Variants in RASAL2 observed in about 807,000 individuals in gnomAD.
RASAL2 encodes RAS protein activator like 2.
RASAL2 carries 58 observed loss-of-function variants against 128.9 expected under a neutral mutation model. That is an observed-to-expected ratio of 0.45 (90% CI 0.36 to 0.56). The LOEUF (loss-of-function observed/expected upper bound fraction) is 0.56, where lower values mean the gene tolerates loss of function less well. RASAL2 is among the 20% of genes least tolerant of loss of function. The pLI is 0.00. For synonymous variants in RASAL2, 561 were observed against 580.8 expected (o/e 0.97, Z 0.49); for missense variants, 1,360 against 1,601.6 (o/e 0.85, Z 2.57).
chr1:178,289,509 C>T (rs1667181393), intron 2 of RASAL2, among the ~76,000 whole-genome samples: 1 of 152,060 alleles, frequency 6.6e-6, no homozygotes, highest in Non-Finnish European at 1.5e-5. Flanking sequence ...AAGATGGAGT[C>T]TCACTATGTT....
chr1:178,399,772 T>C (rs1673495391), intron 4 of RASAL2, among the ~76,000 whole-genome samples: 1 of 152,236 alleles, frequency 6.6e-6, no homozygotes, highest in African/African-American at 2.4e-5. Flanking sequence ...CTTTTCATTT[T>C]GCACTGAGCC....
At chr1:178,382,186 G>A (rs567895144) in intron 3 of RASAL2, among the ~76,000 whole-genome samples, 79 of 152,118 alleles carry the variant, frequency 5.2e-4, no homozygotes, top group African/African-American at 1.7e-3. Context: ...TCACTTTTTT[G>A]TTCAAGGGAT....
At chr1:178,197,816 A>G (rs1307986586) in intron 1 of RASAL2, among the ~76,000 whole-genome samples, 1 of 152,070 alleles carries the variant, frequency 6.6e-6, no homozygotes, top group Non-Finnish European at 1.5e-5. Flanking sequence ...CATCATTTAC[A>G]TTAGGTATTT....
chr1:178,366,590 C>G (rs1230467417), intron 3 of RASAL2, among the ~76,000 whole-genome samples: 2 of 101,348 alleles, frequency 2.0e-5, no homozygotes, highest in South Asian at 4.1e-4. Context: ...CCCACCCCCC[C>G]CCGCCAAAAA....
intron 1 of RASAL2, among the ~76,000 whole-genome samples, chr1:178,204,468 C>T (rs989611747): frequency 6.6e-6 from 1 of 152,100 alleles, no homozygotes; most frequent in African/African-American, 2.4e-5. Context: ...ATAGTTTGAC[C>T]CTGTTCCTCA....
chr1:178,330,612 C>A (rs1005622976), intron 3 of RASAL2, among the ~76,000 whole-genome samples: 2 of 151,864 alleles, frequency 1.3e-5, no homozygotes, highest in Non-Finnish European at 2.9e-5. Context: ...TAAAAATGTT[C>A]TCTGGTAAAA....
intron 1 of RASAL2, among the ~76,000 whole-genome samples, chr1:178,260,993 G>A (rs1301830826): frequency 6.6e-6 from 1 of 152,188 alleles, no homozygotes; most frequent in African/African-American, 2.4e-5. Flanking sequence ...CTTGGCGTTA[G>A]AACAGTCTGA....
At position 178,442,665 on chromosome 1, in the gene RASAL2, C is replaced by CTCT. The variant is rs112934776; in HGVS notation, c.928-8_928-6dup. 0.014 allele frequency: 21,861 copies of CTCT among 1,568,534 alleles called. 2,165 individuals carry two copies. In the African/African-American group the frequency reaches 0.24, roughly 17 times the overall value. ...CAGCTCTGAAATTCAGCTTTGTTGC[C>CTCT]TCTTTATAGGACAATTGCAGGCGAG... On this transcript the variant is annotated splice_polypyrimidine_tract_variant and intron_variant, in intron 7 of 17. Coordinates refer to ENST00000367649, the MANE Select transcript of RASAL2 (RefSeq NM_170692.4).
chr1:178,152,245 C>G (rs1477145489), intron 1 of RASAL2, among the ~76,000 whole-genome samples: 6 of 152,110 alleles, frequency 3.9e-5, no homozygotes, highest in Non-Finnish European at 5.9e-5. Context: ...CTGGATTGAA[C>G]ACGTGGAGGT....
chr1:178,281,037 T>C (rs1666756734), intron 1 of RASAL2, among the ~76,000 whole-genome samples: 1 of 152,188 alleles, frequency 6.6e-6, no homozygotes, highest in Middle Eastern at 3.4e-3. Flanking sequence ...TATAGGTTAT[T>C]TTAAAAAACA....
At chr1:178,112,265 T>C (rs1659350390) in intron 1 of RASAL2, among the ~76,000 whole-genome samples, 1 of 152,110 alleles carries the variant, frequency 6.6e-6, no homozygotes, top group African/African-American at 2.4e-5. Context: ...TAAGAAATCA[T>C]TGTCAGCTGG....
chr1:178,253,180 A>T (rs940485091), intron 1 of RASAL2, among the ~76,000 whole-genome samples: 2 of 151,136 alleles, frequency 1.3e-5, no homozygotes, highest in Non-Finnish European at 3.0e-5. Context: ...CAGCTTCATC[A>T]CCTTAATTTC....
intron 2 of RASAL2, among the ~76,000 whole-genome samples, chr1:178,298,778 G>A (rs981852717): frequency 2.6e-5 from 4 of 152,054 alleles, no homozygotes; most frequent in African/African-American, 9.7e-5. Flanking sequence ...ATTGAAAACA[G>A]TATTGGAGCC....
At chr1:178,168,305 T>C (rs1051068404) in intron 1 of RASAL2, among the ~76,000 whole-genome samples, 17 of 150,988 alleles carry the variant, frequency 1.1e-4, no homozygotes, top group Admixed American at 9.9e-4. Flanking sequence ...CCAGAAAATA[T>C]AGTATTTTAT....
chr1:178,374,755 G>A (rs3791026), intron 3 of RASAL2, among the ~76,000 whole-genome samples: 37,912 of 152,064 alleles, frequency 0.25, 7,524 homozygotes, highest in African/African-American at 0.55. Context: ...TTTACTTCCT[G>A]TCTTGGAACA....
intron 1 of RASAL2, among the ~76,000 whole-genome samples, chr1:178,183,685 C>T (rs1662194576): frequency 6.6e-6 from 1 of 152,148 alleles, no homozygotes; most frequent in Admixed American, 6.5e-5. Flanking sequence ...CTTTGCATCA[C>T]TGAATAGTAT....
chr1:178,469,096 A>G (rs1323058244), intron 17 of RASAL2, among the ~76,000 whole-genome samples: 1 of 152,128 alleles, frequency 6.6e-6, no homozygotes, highest in African/African-American at 2.4e-5. Context: ...TCAGGATTTC[A>G]AGACCAGCCT....
chr1:178,157,372 A>C (rs528279009), intron 1 of RASAL2, among the ~76,000 whole-genome samples: 4 of 152,194 alleles, frequency 2.6e-5, no homozygotes, highest in Non-Finnish European at 4.4e-5. Flanking sequence ...TTTGTTTAAC[A>C]GTGGTGTCCA....
intron 7 of RASAL2, among the ~76,000 whole-genome samples, chr1:178,442,226 G>A (rs916032417): frequency 2.6e-5 from 4 of 152,124 alleles, no homozygotes; most frequent in African/African-American, 9.7e-5. Flanking sequence ...TAAGCTAAAA[G>A]CAGTCTTACT....
Sources: allele counts gnomAD v4.1 joint callset (sites outside exome capture counted in the v4.1 genomes callset), GRCh38; gene constraint gnomAD v4.1.1; transcripts MANE v1.5; gene names NCBI Gene and HGNC (gene_info 2026-07-23, HGNC 2026-07-21).